Variants in PAX5 observed in about 807,000 individuals in gnomAD.
PAX5 encodes the protein paired box protein Pax-5.
PAX5 carries 9 observed loss-of-function variants against 43.7 expected under a neutral mutation model. That is an observed-to-expected ratio of 0.21 (90% confidence interval 0.12 to 0.36). The LOEUF (loss-of-function observed/expected upper bound fraction) is 0.36. Ranked by LOEUF, PAX5 falls within the 10% of genes least tolerant of loss-of-function variation. PAX5 has a pLI of 1.00. For synonymous variants in PAX5, 228 were observed against 214.3 expected (o/e 1.06, Z -0.56); for missense variants, 383 against 532.7 (o/e 0.72, Z 2.77).
chr9:36,858,210 A>G (rs1018112464), intron 8 of PAX5, among the ~76,000 whole-genome samples: 4 of 152,396 alleles, frequency 2.6e-5, no homozygotes, highest in African/African-American at 7.2e-5. Flanking sequence ...ACTTAGCTCA[A>G]TCCTTGGCAC....
At chr9:36,948,698 C>T (rs1484624799) in intron 6 of PAX5, among the ~76,000 whole-genome samples, 1 of 152,130 alleles carries the variant, frequency 6.6e-6, no homozygotes, top group Non-Finnish European at 1.5e-5. Context: ...TTCCCAGAAA[C>T]TCCCCAGTGC....
At chr9:36,879,441 A>G (rs1475286689) in intron 8 of PAX5, among the ~76,000 whole-genome samples, 1 of 152,202 alleles carries the variant, frequency 6.6e-6, no homozygotes, top group Non-Finnish European at 1.5e-5. Flanking sequence ...ACATGCTCTC[A>G]GAACAGGTTC....
chr9:37,025,198 A>G (rs1020341056), intron 1 of PAX5, among the ~76,000 whole-genome samples: 1 of 152,158 alleles, frequency 6.6e-6, no homozygotes, highest in Admixed American at 6.5e-5. Context: ...GCTTTGGTGG[A>G]TTACTTCAGA....
intron 8 of PAX5, 109 bp downstream of exon 8, chr9:36,881,895 G>T: frequency 2.4e-6 from 2 of 821,996 alleles, no homozygotes; most frequent in Non-Finnish European, 2.0e-6. Context: ...ATTTATTCAG[G>T]TCCGCTTCTC....
intron 7 of PAX5, among the ~76,000 whole-genome samples, chr9:36,911,563 T>C (rs1369408272): frequency 6.6e-6 from 1 of 151,884 alleles, no homozygotes; most frequent in Non-Finnish European, 1.5e-5. Flanking sequence ...CTGTAGCTCT[T>C]GTTGTAATTT....
intron 7 of PAX5, among the ~76,000 whole-genome samples, chr9:36,885,895 A>G (rs1826864408): frequency 6.6e-6 from 1 of 152,212 alleles, no homozygotes; most frequent in Non-Finnish European, 1.5e-5. Flanking sequence ...ATGAAAAAAC[A>G]AAAGGAACCC....
intron 6 of PAX5, among the ~76,000 whole-genome samples, chr9:36,928,407 A>T (rs757710605): frequency 9.2e-5 from 14 of 152,056 alleles, no homozygotes; most frequent in Non-Finnish European, 1.9e-4. Context: ...ACAAAGAAAC[A>T]ATCTCTCCCT....
intron 7 of PAX5, among the ~76,000 whole-genome samples, chr9:36,917,102 T>C (rs1037438142): frequency 6.6e-6 from 1 of 152,188 alleles, no homozygotes; most frequent in Non-Finnish European, 1.5e-5. Flanking sequence ...GCCTGGGATG[T>C]TTATATTTTT....
intron 3 of PAX5, among the ~76,000 whole-genome samples, chr9:37,008,546 CT>C (rs1239660933): frequency 3.3e-5 from 5 of 152,206 alleles, no homozygotes; most frequent in African/African-American, 1.2e-4. Context: ...CCTCTCTGCC[CT>C]TTCTGATCTT....
chr9:36,935,985 C>A (rs1390433944), intron 6 of PAX5, among the ~76,000 whole-genome samples: 1 of 152,232 alleles, frequency 6.6e-6, no homozygotes, highest in Non-Finnish European at 1.5e-5. Context: ...CTTGCTTCTG[C>A]TTTCCTGGTA....
intron 8 of PAX5, among the ~76,000 whole-genome samples, chr9:36,859,455 AG>A (rs1341458184): frequency 6.6e-6 from 1 of 152,040 alleles, no homozygotes; most frequent in Non-Finnish European, 1.5e-5. Flanking sequence ...AAAAGCTCCC[AG>A]GGCCTCTCCC....
At chr9:37,033,215 T>A (rs555696253) in intron 1 of PAX5, among the ~76,000 whole-genome samples, 2 of 152,348 alleles carry the variant, frequency 1.3e-5, no homozygotes, top group East Asian at 3.9e-4. Context: ...ATGCCCTGAA[T>A]TCACACCTTC....
chr9:36,876,154 C>G (rs1825893052), intron 8 of PAX5, among the ~76,000 whole-genome samples: 1 of 152,336 alleles, frequency 6.6e-6, no homozygotes, highest in East Asian at 1.9e-4. Context: ...TCTCACTCCC[C>G]CTGTGGTGTT....
Position 36,837,471 on chromosome 9 carries a change from T to C in PAX5, c.*3089A>G, listed in dbSNP as rs1043595780. ...GCTCGAACACAGGGAAGAAGGCCCA[T>C]GGAGAAATGCCCCAGGCCTTCTGCC... On this transcript the variant is annotated 3_prime_UTR_variant, in exon 10 of 10. Transcript: ENST00000358127. The C allele has an allele frequency of 6.0e-5, 14 of 233,210 alleles. No individual in the cohort carries two copies. Among genetic ancestry groups the C allele is most frequent in the Non-Finnish European group, 1.1e-4 (13 of 118,072 alleles). 14.4% of individuals were successfully genotyped at this position (233,210 alleles called of 1,614,324 possible). A position where few individuals can be genotyped will look rare whatever the true frequency, so the allele number is the denominator to read the frequency against.
chr9:36,866,678 G>A (rs2131680677), intron 8 of PAX5, among the ~76,000 whole-genome samples: 1 of 152,274 alleles, frequency 6.6e-6, no homozygotes, highest in East Asian at 1.9e-4. Context: ...GAGGAACTGA[G>A]GGGGGTGGGG....
chr9:36,848,529 G>A (rs551458086), intron 8 of PAX5, among the ~76,000 whole-genome samples: 75 of 152,256 alleles, frequency 4.9e-4, no homozygotes, highest in Non-Finnish European at 7.6e-4. Context: ...GGCTGCAGCC[G>A]CCCGGCTCCG....
intron 6 of PAX5, among the ~76,000 whole-genome samples, chr9:36,951,700 A>C (rs7864762): frequency 6.6e-6 from 1 of 152,076 alleles, no homozygotes; most frequent in African/African-American, 2.4e-5. Context: ...TATCGAGACT[A>C]CTCAAATATT....
intron 8 of PAX5, among the ~76,000 whole-genome samples, chr9:36,864,883 G>A (rs920928200): frequency 3.9e-5 from 6 of 152,308 alleles, no homozygotes; most frequent in African/African-American, 9.6e-5. Context: ...GAGAGGCGCT[G>A]CCTGACAGCT....
rs573110753 is a variant in PAX5 at position 36,884,661 on chromosome 9, AAG to A, written c.911-2558_911-2557del. On this transcript the variant is annotated intron_variant, in intron 7 of 9. Transcript: ENST00000358127. ...GTACAATACGATAAGACAGAGACAT[AAG>A]AGGAATAAGCACTGGGGGGCAGGGG... 1.4e-3 allele frequency among the ~76,000 whole-genome samples: 214 copies of A among 152,360 alleles called. 4 individuals are homozygous for A. In the South Asian group the frequency reaches 0.044, roughly 31 times the overall value.
Sources: gnomAD v4.1 joint callset for allele counts (sites outside exome capture counted in the v4.1 genomes callset) on GRCh38, gnomAD v4.1.1 for gene constraint, MANE v1.5 for transcripts, NCBI Gene and HGNC (gene_info 2026-07-23, HGNC 2026-07-21) for gene names.